The following LYPD6 variants were observed in gnomAD, a reference collection of about 807,000 sequenced individuals.
LYPD6 encodes ly6/PLAUR domain-containing protein 6.
LYPD6 carries 15 observed loss-of-function variants against 22.7 expected under a neutral mutation model. The ratio of observed to expected loss-of-function variants is 0.66; its 90% CI spans 0.44 to 1.02. The LOEUF is 1.02. Among genes scored for constraint, LYPD6 ranks in the 50% least tolerant of loss-of-function variants. LYPD6 has a pLI of 0.00. For synonymous variants in LYPD6, 72 were observed against 77.5 expected (o/e 0.93, Z 0.37); for missense variants, 189 against 208.4 (o/e 0.91, Z 0.57).
chr2:149,340,211 A>G (rs1401137598), intron 1 of LYPD6, among the ~76,000 whole-genome samples: 1 of 152,190 alleles, frequency 6.6e-6, no homozygotes, highest in Non-Finnish European at 1.5e-5. Flanking sequence ...AGCAGGAGAG[A>G]TAAAGGTTAT....
At chr2:149,462,440 C>A (rs992728179) in intron 3 of LYPD6, among the ~76,000 whole-genome samples, 15 of 151,426 alleles carry the variant, frequency 9.9e-5, no homozygotes, top group African/African-American at 3.6e-4. Context: ...ATGGAAAGAC[C>A]GTGTTCATAG....
chr2:149,338,025 T>A (rs941569731), intron 1 of LYPD6, among the ~76,000 whole-genome samples: 2 of 152,142 alleles, frequency 1.3e-5, no homozygotes, highest in African/African-American at 4.8e-5. Flanking sequence ...TAATCCAGTT[T>A]ACTGTTGATG....
At chr2:149,406,713 G>T (rs1443077882) in intron 1 of LYPD6, among the ~76,000 whole-genome samples, 1 of 151,894 alleles carries the variant, frequency 6.6e-6, no homozygotes, top group Admixed American at 6.6e-5. Context: ...CTTTTAATTG[G>T]AGCATTTAGT....
chr2:149,464,642 C>T (rs539921867), intron 3 of LYPD6, among the ~76,000 whole-genome samples: 5 of 152,254 alleles, frequency 3.3e-5, no homozygotes, highest in African/African-American at 9.6e-5. Flanking sequence ...CCAAATAAGC[C>T]TAGTAATTCA....
At chr2:149,421,397 A>G (rs1194121463) in intron 1 of LYPD6, among the ~76,000 whole-genome samples, 1 of 151,782 alleles carries the variant, frequency 6.6e-6, no homozygotes, top group Non-Finnish European at 1.5e-5. Context: ...CTCAAAAAAA[A>G]AAAAAAAAAA....
intron 4 of LYPD6, among the ~76,000 whole-genome samples, chr2:149,468,994 G>A (rs1681272488): frequency 6.6e-6 from 1 of 152,200 alleles, no homozygotes; most frequent in African/African-American, 2.4e-5. Context: ...AAACACACAT[G>A]AAGAGGGTGT....
At chr2:149,330,949 G>C (rs905501292) in intron 1 of LYPD6, among the ~76,000 whole-genome samples, 2 of 152,178 alleles carry the variant, frequency 1.3e-5, no homozygotes, top group Non-Finnish European at 2.9e-5. Context: ...CCAGAGGGGC[G>C]TGTGTACTCG....
downstream of LYPD6, among the ~76,000 whole-genome samples, chr2:149,475,670 T>C (rs1310337797): frequency 1.3e-5 from 2 of 152,216 alleles, no homozygotes; most frequent in African/African-American, 4.8e-5. Context: ...ATAGCTGTAT[T>C]TGAAACTGGG....
rs1173001618 is a variant in LYPD6, at chr2:149,472,474, A to G, written c.*1624A>G. 6.6e-6 allele frequency: 1 copy of G among 152,636 alleles called. No homozygotes were observed. The highest frequency in any genetic ancestry group is 1.5e-5 in the Non-Finnish European group (1 of 68,044). 9.5% of individuals were successfully genotyped at this position (152,636 alleles called of 1,614,324 possible). On this transcript the variant is annotated 3_prime_UTR_variant, in exon 5 of 5. Coordinates refer to ENST00000334166, the MANE Select transcript of LYPD6 (RefSeq NM_194317.5). ...GTCAGGGTCCATCTGCCCTCCATAG[A>G]AAAATGTCTCTGGCTCATAAAATGA...
intron 1 of LYPD6, among the ~76,000 whole-genome samples, chr2:149,433,359 T>G (rs1241318019): frequency 6.6e-6 from 1 of 152,234 alleles, no homozygotes; most frequent in Non-Finnish European, 1.5e-5. Flanking sequence ...TCCACCATCC[T>G]GTGCACACAC....
At chr2:149,375,696 A>G (rs1681902834) in intron 1 of LYPD6, among the ~76,000 whole-genome samples, 1 of 152,174 alleles carries the variant, frequency 6.6e-6, no homozygotes, top group African/African-American at 2.4e-5. Flanking sequence ...CCCAAGTGCT[A>G]TAAAGAGACA....
At chr2:149,353,290 G>T (rs1180086615) in intron 1 of LYPD6, among the ~76,000 whole-genome samples, 1 of 152,136 alleles carries the variant, frequency 6.6e-6, no homozygotes, top group Non-Finnish European at 1.5e-5. Context: ...TATATATTCT[G>T]CTTAATTGTA....
downstream of LYPD6, among the ~76,000 whole-genome samples, chr2:149,474,958 G>A (rs183787249): frequency 1.5e-4 from 23 of 152,152 alleles, no homozygotes; most frequent in African/African-American, 4.8e-4. Context: ...TAGTAGAGAC[G>A]GGGTTTCACC....
intron 1 of LYPD6, chr2:149,367,625 A>T (rs903197177): frequency 6.6e-5 from 10 of 152,180 alleles, no homozygotes; most frequent in African/African-American, 2.4e-4. Flanking sequence ...TTTTTTTCGT[A>T]GTTAAAATAT....
intron 1 of LYPD6, among the ~76,000 whole-genome samples, chr2:149,372,126 A>T (rs1243635918): frequency 6.6e-6 from 1 of 152,136 alleles, no homozygotes; most frequent in Non-Finnish European, 1.5e-5. Context: ...TGGCTTGAAA[A>T]TAGAGATTTG....
chr2:149,420,647 A>G (rs984198445), intron 1 of LYPD6, among the ~76,000 whole-genome samples: 3 of 152,174 alleles, frequency 2.0e-5, no homozygotes, highest in Non-Finnish European at 4.4e-5. Context: ...AGGGCTGAGC[A>G]TTGTAGAAAC....
intron 1 of LYPD6, among the ~76,000 whole-genome samples, chr2:149,406,728 T>A (rs1044112982): frequency 1.3e-5 from 2 of 151,788 alleles, no homozygotes; most frequent in African/African-American, 4.8e-5. Flanking sequence ...TTTAGTCCAT[T>A]TACATTTAAA....
intron 2 of LYPD6, among the ~76,000 whole-genome samples, chr2:149,443,449 A>T (rs944658291): frequency 1.3e-5 from 2 of 152,190 alleles, no homozygotes; most frequent in Non-Finnish European, 2.9e-5. Context: ...GGTGAATATG[A>T]TGATCACTTT....
intron 1 of LYPD6, among the ~76,000 whole-genome samples, chr2:149,332,819 G>A (rs529442391): frequency 5.3e-5 from 8 of 152,274 alleles, no homozygotes; most frequent in African/African-American, 1.9e-4. Context: ...ACTAAGGTGA[G>A]GGCTGATAAA....
Sources: allele counts gnomAD v4.1 joint callset (sites outside exome capture counted in the v4.1 genomes callset), GRCh38; gene constraint gnomAD v4.1.1; transcripts MANE v1.5; gene names NCBI Gene and HGNC (gene_info 2026-07-23, HGNC 2026-07-21).